Variants in ZSCAN2 observed in about 807,000 individuals in gnomAD.
ZSCAN2 encodes zinc finger and SCAN domain-containing protein 2.
A neutral mutation model predicts 47.8 loss-of-function variants in ZSCAN2; 26 were observed. The observed-to-expected ratio is 0.54, with a 90% CI of 0.40 to 0.75. ZSCAN2 has a LOEUF of 0.75. ZSCAN2 is among the 30% of genes least tolerant of loss of function. ZSCAN2 has a pLI of 0.00. For missense variants in ZSCAN2, 732 were observed against 785.4 expected, an observed-to-expected ratio of 0.93 and a Z score of 0.81; for synonymous variants, 305 against 288.7, an observed-to-expected ratio of 1.06 and a Z score of -0.57.
At chr15:84,604,940 G>C (rs1224891578) in intron 2 of ZSCAN2, among the ~76,000 whole-genome samples, 1 of 151,964 alleles carries the variant, frequency 6.6e-6, no homozygotes, top group Non-Finnish European at 1.5e-5. Context: ...GCTTCACCAT[G>C]TTCGCCAGAC....
At chr15:84,603,014 G>C (rs1050948129) in intron 1 of ZSCAN2, among the ~76,000 whole-genome samples, 25 of 152,168 alleles carry the variant, frequency 1.6e-4, no homozygotes, top group African/African-American at 5.8e-4. Flanking sequence ...GGCCGAGGCT[G>C]GATTGGAGAG....
intron 2 of ZSCAN2, among the ~76,000 whole-genome samples, chr15:84,610,786 C>T (rs1284586455): frequency 6.6e-6 from 1 of 152,028 alleles, no homozygotes; most frequent in Non-Finnish European, 1.5e-5. Context: ...TGCACCCAGC[C>T]AAAACAGAAG....
chr15:84,622,495 C>CAAGCTG lies in ZSCAN2; in HGVS notation c.*456_*461dup. On this transcript the variant is annotated 3_prime_UTR_variant, in exon 3 of 3. Transcript: ENST00000546148. ...TTGTTGGGCTAAGGTGCCTTCACCCCAAGCTGTTAGTGTTCCAGGGCACCC... is the reference window on the plus strand; with the variant it reads ...TTGTTGGGCTAAGGTGCCTTCACCCCAAGCTGAAGCTGTTAGTGTTCCAGGGCACCC... The CAAGCTG allele has an allele frequency of 1.5e-6, 1 of 646,502 alleles. No individual in the cohort carries two copies. Among genetic ancestry groups the CAAGCTG allele is most frequent in the South Asian group, 1.8e-5 (1 of 54,664 alleles). The allele number at this position is 646,502 out of a possible 1,614,324, so 40.0% of individuals were successfully genotyped here.
At chr15:84,605,473 G>T (rs1315596347) in intron 2 of ZSCAN2, among the ~76,000 whole-genome samples, 2 of 152,206 alleles carry the variant, frequency 1.3e-5, no homozygotes, top group Non-Finnish European at 2.9e-5. Context: ...GAGAGGAGCT[G>T]TGCTGAGCAG....
chr15:84,618,147 A>G (rs1895736936), intron 2 of ZSCAN2, among the ~76,000 whole-genome samples: 2 of 152,050 alleles, frequency 1.3e-5, no homozygotes, highest in Admixed American at 1.3e-4. Context: ...TTCGAGCGCG[A>G]TAGCTCACAC....
rs191220197 is a variant in ZSCAN2, at chr15:84,618,603, C to T, written c.407-1999C>T. On this transcript the variant is annotated intron_variant, in intron 2 of 2. Coordinates refer to ENST00000546148, the MANE Select transcript of ZSCAN2 (RefSeq NM_181877.4). ...CGAGACAGAGTCTTGGCTCTGTTGC[C>T]CAGGCCGGAGTGCAGTGGCGTGATC... 4.7e-3 allele frequency among the ~76,000 whole-genome samples: 718 copies of T among 151,586 alleles called. 9 individuals are homozygous for T. The highest frequency in any genetic ancestry group is 0.017 in the African/African-American group (698 of 41,272).
At position 84,621,694 on chromosome 15, in the gene ZSCAN2, A is replaced by G; in HGVS notation, c.1499A>G (p.Lys500Arg). 1 of 1,614,174 alleles carries G rather than the reference A, an allele frequency of 6.2e-7. No individual in the cohort carries two copies. The highest frequency in any genetic ancestry group is 8.5e-7 in the Non-Finnish European group (1 of 1,180,022). ...LKHQRIHTGE[K>R]PYKCSECGKC... ...CACCAGAGGATCCACACGGGAGAGA[A>G]ACCCTACAAATGCAGCGAGTGTGGG... Residue 500 changes from lysine to arginine, a missense_variant, in exon 3 of 3, where the codon AAA (lysine) becomes AGA (arginine). Physicochemically the swap from Lys to Arg is conservative, Grantham distance 26. Coordinates refer to ENST00000546148, the MANE Select transcript of ZSCAN2 (RefSeq NM_181877.4). The surrounding 1 kb of genome is among the most constrained non-coding windows in gnomAD (Gnocchi z 5.7).
intron 2 of ZSCAN2, chr15:84,616,487 T>G (rs750140977): frequency 2.1e-5 from 30 of 1,406,676 alleles, no homozygotes; most frequent in Non-Finnish European, 2.8e-5. Context: ...CCATGCTTAT[T>G]CATTGCATTT....
In ZSCAN2 at chr15:84,604,035, G is replaced by C; in HGVS notation, c.108G>C (p.Glu36Asp). The part of the protein sequence containing the change: ...QEEEVTTMIL[E>D]DDSWVQEAVL... Reference sequence around the variant, plus strand: ...AGGAGGTCACCACCATGATCCTGGAGGATGACTCCTGGGTGCAAGAAGCTG... The same window carrying C: ...AGGAGGTCACCACCATGATCCTGGACGATGACTCCTGGGTGCAAGAAGCTG... Residue 36 changes from glutamate to aspartate, a missense_variant, in exon 2 of 3, where the codon GAG becomes GAC. Glu to Asp is a conservative substitution (Grantham distance 45, BLOSUM62 2). Transcript: ENST00000546148. 6.2e-7 allele frequency: 1 copy of C among 1,614,146 alleles called. No individual in the cohort carries two copies. The highest frequency in any genetic ancestry group is 8.5e-7 in the Non-Finnish European group (1 of 1,180,034).
In ZSCAN2 at chr15:84,621,804, A is replaced by G. The variant is rs764938830; in HGVS notation, c.1609A>G (p.Lys537Glu). ...GCCCTACAAATGCCTCATGTGCGGCAAGAGCTTCAGCCGGGGCTCCATTCT... is the reference window on the plus strand; with the variant it reads ...GCCCTACAAATGCCTCATGTGCGGCGAGAGCTTCAGCCGGGGCTCCATTCT... ...EKPYKCLMCG[K>E]SFSRGSILVM... The change falls in exon 3 of 3, where the codon AAG becomes GAG. Residue 537 changes from lysine to glutamate, a missense_variant. By Grantham distance (56) the Lys-to-Glu change is moderately conservative. Coordinates refer to ENST00000546148, the MANE Select transcript of ZSCAN2 (RefSeq NM_181877.4). This position sits in a 1 kb window ranked among gnomAD's most constrained non-coding sequence, Gnocchi z 5.7. The G allele has an allele frequency of 6.2e-7, 1 of 1,614,218 alleles. No individual in the cohort carries two copies. Among genetic ancestry groups the G allele is most frequent in the East Asian group, 2.2e-5 (1 of 44,886 alleles).
In ZSCAN2 at chr15:84,616,939, A is replaced by T. The variant is rs1379310460; in HGVS notation, c.407-3663A>T. ...GAAGTTCGAGACCTGCCTGACCAACATGGAGAAACCCTGTCTCTACTAAAA... is the reference window on the plus strand; with the variant it reads ...GAAGTTCGAGACCTGCCTGACCAACTTGGAGAAACCCTGTCTCTACTAAAA... On this transcript the variant is annotated intron_variant, in intron 2 of 2. Coordinates refer to ENST00000546148, the MANE Select transcript of ZSCAN2 (RefSeq NM_181877.4). Among the ~76,000 whole-genome samples, 3 of 152,012 alleles carry T rather than the reference A, an allele frequency of 2.0e-5. No homozygotes were observed. The East Asian group carries it at 5.8e-4, about 29-fold the overall frequency.
intron 2 of ZSCAN2, among the ~76,000 whole-genome samples, chr15:84,620,031 A>G (rs1895780792): frequency 6.6e-6 from 1 of 150,726 alleles, no homozygotes; most frequent in African/African-American, 2.4e-5. Context: ...GGTTTACTGC[A>G]CAGGTCATCC....
intron 2 of ZSCAN2, among the ~76,000 whole-genome samples, chr15:84,609,106 C>G (rs1895469067): frequency 6.6e-6 from 1 of 152,218 alleles, no homozygotes; most frequent in Non-Finnish European, 1.5e-5. Flanking sequence ...TTGTTTTGAG[C>G]TTGCTGCCCC....
chr15:84,620,676 T>C lies in ZSCAN2; in HGVS notation c.481T>C (p.Ser161Pro). Residue 161 changes from serine to proline, a missense_variant, in exon 3 of 3, where the codon TCG becomes CCG. By Grantham distance (74) the Ser-to-Pro change is moderately conservative (BLOSUM62 -1). Around this residue, in one of 2 missense-constraint regions of ZSCAN2, gnomAD observed 320 missense variants for 287.4 expected, o/e 1.11. Coordinates refer to ENST00000546148, the MANE Select transcript of ZSCAN2 (RefSeq NM_181877.4). ...TGAGAATGAATCACGTAAGATATTC[T>C]CGGAAATGCCTGAAGGTGAAAGTGC... ...MFENESRKIF[S>P]EMPEGESAQH... is the part of the protein sequence containing the mutation. The C allele has an allele frequency of 1.2e-6, 2 of 1,614,222 alleles. No homozygotes were observed. The highest frequency in any genetic ancestry group is 4.5e-5 in the East Asian group (2 of 44,886).
intron 2 of ZSCAN2, among the ~76,000 whole-genome samples, chr15:84,606,151 G>A (rs909066862): frequency 1.3e-5 from 2 of 152,194 alleles, no homozygotes; most frequent in South Asian, 4.1e-4. Flanking sequence ...GAGAAGAGAA[G>A]GAAACTGAAG....
chr15:84,622,973 A>G lies in ZSCAN2; in HGVS notation c.*933A>G. On this transcript the variant is annotated 3_prime_UTR_variant, in exon 3 of 3. Transcript: ENST00000546148. The stretch of plus-strand genomic sequence containing the variant: ...TTTGTGCCTTTGGCCCAACAGGTAC[A>G]TAGCCCCATAATTTCTGAATTATTC... 1 of 390,344 alleles carries G rather than the reference A, an allele frequency of 2.6e-6. No homozygotes were observed. Among genetic ancestry groups the G allele is most frequent in the Non-Finnish European group, 4.7e-6 (1 of 212,244 alleles). The allele number at this position is 390,344 out of a possible 1,614,324, so 24.2% of individuals were successfully genotyped here.
intron 1 of ZSCAN2, among the ~76,000 whole-genome samples, chr15:84,602,577 C>A (rs1895240424): frequency 7.1e-6 from 1 of 141,328 alleles, no homozygotes; most frequent in African/African-American, 2.6e-5. Flanking sequence ...CTTTTTTTTC[C>A]TTTTCTTTTC....
In ZSCAN2 at chr15:84,604,087, G is replaced by A. The variant is rs115378715; in HGVS notation, c.160G>A (p.Glu54Lys). ...GCTGCAGGAGGATGGCCCTGAGTCT[G>A]AGCCCTTTCCCCAGAGTGCTGGCAA... ...AVLQEDGPES[E>K]PFPQSAGKGG... Residue 54 changes from glutamate to lysine, a missense_variant, in exon 2 of 3, where the codon GAG (glutamate) becomes AAG (lysine). Around this residue, in one of 2 missense-constraint regions of ZSCAN2, gnomAD observed 320 missense variants for 287.4 expected, o/e 1.11. Transcript: ENST00000546148. The A allele has an allele frequency of 2.5e-6, 4 of 1,614,158 alleles. No individual in the cohort carries two copies. The East Asian group carries it at 8.9e-5, about 36-fold the overall frequency.
intron 2 of ZSCAN2, among the ~76,000 whole-genome samples, chr15:84,610,298 A>C (rs1307608393): frequency 2.0e-5 from 3 of 152,204 alleles, no homozygotes; most frequent in African/African-American, 7.2e-5. Flanking sequence ...ACAGATCTGT[A>C]ATAGACAGGA....
Sources: allele counts gnomAD v4.1 joint callset (sites outside exome capture counted in the v4.1 genomes callset), GRCh38; gene constraint gnomAD v4.1.1; regional missense constraint gnomAD v4.1.1; non-coding constraint Gnocchi (gnomAD v3.1); transcripts MANE v1.5; gene names NCBI Gene and HGNC (gene_info 2026-07-23, HGNC 2026-07-21).